Variants in NKD1 observed in about 807,000 individuals in gnomAD.
The protein encoded by NKD1 is protein naked cuticle homolog 1.
NKD1 carries 21 observed loss-of-function variants against 56.0 expected under a neutral mutation model. The observed-to-expected ratio is 0.38, with a 90% confidence interval of 0.27 to 0.54. The LOEUF is 0.54. NKD1 is among the 20% of genes least tolerant of loss of function. The pLI, the probability that NKD1 is intolerant of heterozygous loss-of-function variation, is 0.82. For missense variants in NKD1, 578 were observed against 642.7 expected, an observed-to-expected ratio of 0.90 and a Z score of 1.09; for synonymous variants, 263 against 265.7, an observed-to-expected ratio of 0.99 and a Z score of 0.10.
intron 3 of NKD1, chr16:50,557,584 G>A (rs904673193): frequency 5.3e-5 from 8 of 152,224 alleles, no homozygotes. Context: ...GTCACATGCT[G>A]TTGGGATGCA....
chr16:50,592,774 TGGG>T (rs1961396709), intron 3 of NKD1, among the ~76,000 whole-genome samples: 1 of 64,676 alleles, frequency 1.5e-5, no homozygotes, highest in Admixed American at 2.0e-4. Flanking sequence ...AGGGTGGTGA[TGGG>T]GAGGGGGAGG....
chr16:50,571,967 C>T (rs1392677060), intron 3 of NKD1, among the ~76,000 whole-genome samples: 1 of 152,194 alleles, frequency 6.6e-6, no homozygotes, highest in Admixed American at 6.5e-5. Flanking sequence ...CCCAGCCGCC[C>T]TGCTCCCTTC....
rs1006058385 is a variant in NKD1, at chr16:50,623,763, G to A, written c.367-1722G>A. On this transcript the variant is annotated intron_variant, in intron 5 of 9. Coordinates refer to ENST00000268459, the MANE Select transcript of NKD1 (RefSeq NM_033119.5). This position sits in a 1 kb window ranked among gnomAD's most constrained non-coding sequence, Gnocchi z 4.1. ...TGTGTGTGTGTGTGTGTGTGTGTGT[G>A]TACACAGGTATGTGAGCGTAGGATG... is the stretch of plus-strand genomic sequence containing the variant. 6.7e-5 allele frequency among the ~76,000 whole-genome samples: 10 copies of A among 148,744 alleles called. No homozygotes were observed. Among genetic ancestry groups the A allele is most frequent in the Admixed American group, 4.0e-4 (6 of 14,948 alleles).
intron 3 of NKD1, among the ~76,000 whole-genome samples, chr16:50,550,798 A>T (rs1960367039): frequency 6.6e-6 from 1 of 152,170 alleles, no homozygotes; most frequent in Admixed American, 6.5e-5. Context: ...AGGCCAACGA[A>T]AACGGTCTAA....
rs1448158209 is a variant in NKD1 at position 50,632,140 on chromosome 16, G to C, written c.696-141G>C. The stretch of plus-strand genomic sequence containing the variant: ...GGAGGCACAGTTCGTATAGAGGACT[G>C]TTCCTCCCCACCCTCTCCAAAGGCC... On this transcript the variant is annotated intron_variant, in intron 8 of 9. Transcript: ENST00000268459. This position sits in a 1 kb window ranked among gnomAD's most constrained non-coding sequence, Gnocchi z 4.1. 13 of 753,178 alleles carry C rather than the reference G, an allele frequency of 1.7e-5. No homozygotes were observed. The highest frequency in any genetic ancestry group is 3.9e-4 in the Middle Eastern group (1 of 2,572). 46.7% of individuals were successfully genotyped at this position (753,178 alleles called of 1,614,324 possible).
chr16:50,615,749 G>A (rs557963417), intron 4 of NKD1, among the ~76,000 whole-genome samples: 3 of 152,306 alleles, frequency 2.0e-5, no homozygotes, highest in African/African-American at 4.8e-5. Flanking sequence ...TCTTTTGTAC[G>A]ATGCCAACAG....
chr16:50,621,576 T>A, intron 4 of NKD1, 26 bp from the exon 5 acceptor site: 1 of 1,569,958 alleles, frequency 6.4e-7, no homozygotes, highest in Non-Finnish European at 8.8e-7. Flanking sequence ...CTGCTCCTAA[T>A]GCTCCCTCGC....
intron 3 of NKD1, chr16:50,574,763 C>T: frequency 1.0e-6 from 1 of 985,410 alleles, no homozygotes; most frequent in Non-Finnish European, 1.2e-6. Context: ...CTCCCTCTCC[C>T]TTTTCTTCTG....
intron 4 of NKD1, among the ~76,000 whole-genome samples, chr16:50,610,608 T>A (rs1961823649): frequency 6.6e-6 from 1 of 152,252 alleles, no homozygotes; most frequent in South Asian, 2.1e-4. Flanking sequence ...TTTGTCTTCC[T>A]GTTGGCCAAG....
At chr16:50,595,715 GGA>G (rs1298085994) in intron 3 of NKD1, among the ~76,000 whole-genome samples, 3 of 152,224 alleles carry the variant, frequency 2.0e-5, no homozygotes, top group Non-Finnish European at 4.4e-5. Flanking sequence ...TGTGATGGGT[GGA>G]GTCACTGCCA....
chr16:50,622,057 C>T (rs1962104032), intron 5 of NKD1, among the ~76,000 whole-genome samples: 1 of 152,204 alleles, frequency 6.6e-6, no homozygotes. Flanking sequence ...CCTTCCCTTC[C>T]AACTCTTGAG....
rs1199657585 is a variant in NKD1 at position 50,549,436 on chromosome 16, G to A, written c.73G>A (p.Val25Met). ...RESPEGDSFA[V>M]SAAWARKGIE... ...CCCCGTCCCAGGTGACAGCTTCGCC[G>A]TGAGCGCTGCCTGGGCTCGGAAGGG... The change falls in exon 3 of 10, where the codon GTG (valine) becomes ATG (methionine). Residue 25 changes from valine to methionine, a missense_variant. Physicochemically the swap from Val to Met is conservative, Grantham distance 21 (BLOSUM62 1). Transcript: ENST00000268459. 19 of 1,611,008 alleles carry A rather than the reference G, an allele frequency of 1.2e-5. No homozygotes were observed. Among genetic ancestry groups the A allele is most frequent in the Non-Finnish European group, 1.2e-5 (14 of 1,178,816 alleles).
At chr16:50,565,772 A>C (rs531199604) in intron 3 of NKD1, among the ~76,000 whole-genome samples, 2 of 152,346 alleles carry the variant, frequency 1.3e-5, no homozygotes, top group South Asian at 2.1e-4. Flanking sequence ...CTGTCTCCGC[A>C]CCTTGCTTTC....
At chr16:50,571,190 C>G (rs551976447) in intron 3 of NKD1, among the ~76,000 whole-genome samples, 1 of 152,346 alleles carries the variant, frequency 6.6e-6, no homozygotes, top group African/African-American at 2.4e-5. Flanking sequence ...GACATGGGCT[C>G]TGGCCTAGGG....
Position 50,632,521 on chromosome 16 carries a change from A to C in NKD1, c.823+113A>C. On this transcript the variant is annotated intron_variant, in intron 9 of 9. Coordinates refer to ENST00000268459, the MANE Select transcript of NKD1 (RefSeq NM_033119.5). This position sits in a 1 kb window ranked among gnomAD's most constrained non-coding sequence, Gnocchi z 4.1. The stretch of plus-strand genomic sequence containing the variant: ...TACCCCAGGCTTCGGTAAGACAACT[A>C]TTATGGGACAGGTCAAAGACTTCTT... 1 of 1,005,446 alleles carries C rather than the reference A, an allele frequency of 9.9e-7. No individual in the cohort carries two copies. The highest frequency in any genetic ancestry group is 1.6e-5 in the African/African-American group (1 of 62,518). 62.3% of individuals were successfully genotyped at this position (1,005,446 alleles called of 1,614,324 possible).
intron 3 of NKD1, among the ~76,000 whole-genome samples, chr16:50,589,741 TCTC>T (rs1961314121): frequency 1.2e-4 from 13 of 104,070 alleles, no homozygotes; most frequent in Non-Finnish European, 2.4e-4. Context: ...TCTCTTCTCT[TCTC>T]TTCTCTTCTC....
At chr16:50,630,127 G>C (rs949050034) in intron 6 of NKD1, 59 bp from the exon 7 acceptor site, 1 of 1,550,230 alleles carries the variant, frequency 6.5e-7, no homozygotes, top group Admixed American at 1.7e-5. Flanking sequence ...CCTCTGGTTT[G>C]TATTTTCAAG....
chr16:50,637,017 GC>G lies in NKD1; in HGVS notation c.*3241del, dbSNP rs1962482526. On this transcript the variant is annotated 3_prime_UTR_variant, in exon 10 of 10. Transcript: ENST00000268459. ...CTCCCTCCCTAGGTCATAGAGCTCTGCCCCCTTCTCTCTAACAGCTGCTCAG... is the reference window on the plus strand; with the variant it reads ...CTCCCTCCCTAGGTCATAGAGCTCTGCCCCTTCTCTCTAACAGCTGCTCAG... The G allele has an allele frequency of 6.6e-6, 1 of 152,072 alleles. No homozygotes were observed. The highest frequency in any genetic ancestry group is 1.5e-5 in the Non-Finnish European group (1 of 68,032). The allele number at this position is 152,072 out of a possible 1,614,324, so 9.4% of individuals were successfully genotyped here. A position where few individuals can be genotyped will look rare whatever the true frequency, so the allele number is the denominator to read the frequency against.
chr16:50,633,516 A>G lies in NKD1; in HGVS notation c.1148A>G (p.His383Arg), dbSNP rs1207287718. 6.2e-7 allele frequency: 1 copy of G among 1,609,756 alleles called. No individual in the cohort carries two copies. The highest frequency in any genetic ancestry group is 1.3e-5 in the African/African-American group (1 of 74,800). ...ATCCCTGCGGTGTCCCCCTCCGCCCACCTGGCTGCCAGCCCGGCCCTCCTC... is the reference window on the plus strand; with the variant it reads ...ATCCCTGCGGTGTCCCCCTCCGCCCGCCTGGCTGCCAGCCCGGCCCTCCTC... ...PAIPAVSPSA[H>R]LAASPALLPS... The change falls in exon 10 of 10, where the codon CAC (histidine) becomes CGC (arginine). Residue 383 changes from histidine (H) to arginine (R), a missense_variant. Physicochemically the swap from His to Arg is conservative, Grantham distance 29. Transcript: ENST00000268459. This position sits in a 1 kb window ranked among gnomAD's most constrained non-coding sequence, Gnocchi z 4.9.
Sources: gnomAD v4.1 joint callset for allele counts (sites outside exome capture counted in the v4.1 genomes callset) on GRCh38, gnomAD v4.1.1 for gene constraint, Gnocchi (gnomAD v3.1) non-coding constraint, MANE v1.5 for transcripts, NCBI Gene and HGNC (gene_info 2026-07-23, HGNC 2026-07-21) for gene names.